The following RFC2 variants were observed in gnomAD, a reference collection of about 807,000 sequenced individuals.
The protein encoded by RFC2 is A1 40 kDa subunit.
RFC2 carries 34 observed loss-of-function variants against 44.8 expected under a neutral mutation model. The observed-to-expected ratio is 0.76, with a 90% CI of 0.58 to 1.01. RFC2 has a LOEUF of 1.01. RFC2 is among the 50% of genes least tolerant of loss of function. RFC2 has a pLI of 0.00. For missense variants in RFC2, 400 were observed against 453.6 expected (o/e 0.88, Z 1.07); for synonymous variants, 177 against 168.9 (o/e 1.05, Z -0.37).
intron 10 of RFC2, among the ~76,000 whole-genome samples, chr7:74,232,475 G>A (rs1802787261): frequency 6.6e-6 from 1 of 152,062 alleles, no homozygotes; most frequent in Non-Finnish European, 1.5e-5. Context: ...GTGGGGCGAG[G>A]GGGGGCGGGG....
intron 5 of RFC2, among the ~76,000 whole-genome samples, chr7:74,245,400 T>C (rs1288639534): frequency 2.6e-5 from 4 of 151,886 alleles, no homozygotes; most frequent in Non-Finnish European, 4.4e-5. Context: ...CTGAACTGTA[T>C]ACTTCAAAAT....
Position 74,238,854 on chromosome 7 carries a change from T to G in RFC2, c.759+69A>C. ...CCGTCCCCACTGCCAGCCCAGCCCT[T>G]CAGCCCCACTGGCCCCCACAGGGAA... On this transcript the variant is annotated intron_variant, in intron 8 of 10. Transcript: ENST00000055077. The surrounding 1 kb of genome is among the most constrained non-coding windows in gnomAD (Gnocchi z 4.0). 7.6e-7 allele frequency: 1 copy of G among 1,318,942 alleles called. No homozygotes were observed. Among genetic ancestry groups the G allele is most frequent in the Non-Finnish European group, 1.1e-6 (1 of 913,276 alleles). 81.7% of individuals were successfully genotyped at this position (1,318,942 alleles called of 1,614,324 possible).
At chr7:74,250,878 T>G (rs1230913949) in intron 2 of RFC2, among the ~76,000 whole-genome samples, 1 of 151,944 alleles carries the variant, frequency 6.6e-6, no homozygotes, top group Non-Finnish European at 1.5e-5. Flanking sequence ...AACCTCCGCC[T>G]CCCGGGTTCA....
chr7:74,249,091 T>C lies in RFC2; in HGVS notation c.253A>G (p.Ser85Gly). Residue 85 changes from serine (S) to glycine (G), a missense_variant, in exon 4 of 11, where the codon AGC becomes GGC. Coordinates refer to ENST00000055077, the MANE Select transcript of RFC2 (RefSeq NM_181471.3). Reference sequence around the variant, plus strand: ...AGGGCCCGGGCCAAGCACAGAATGCTTGTGGTCTTGCCGGTTCCTGGAGGG... The same window carrying C: ...AGGGCCCGGGCCAAGCACAGAATGCCTGTGGTCTTGCCGGTTCCTGGAGGG... The part of the protein sequence containing the change: ...AGPPGTGKTT[S>G]ILCLARALLG... 1 of 1,614,120 alleles carries C rather than the reference T, an allele frequency of 6.2e-7. No individual in the cohort carries two copies.
intron 6 of RFC2, among the ~76,000 whole-genome samples, 164 bp downstream of exon 6, chr7:74,242,982 G>A (rs1053659865): frequency 6.6e-6 from 1 of 152,014 alleles, no homozygotes; most frequent in Admixed American, 6.6e-5. Context: ...CTACTGGGAG[G>A]CTGAGGCAGG....
At chr7:74,252,764 A>G (rs536622278) in intron 1 of RFC2, among the ~76,000 whole-genome samples, 17 of 151,814 alleles carry the variant, frequency 1.1e-4, no homozygotes, top group Non-Finnish European at 2.9e-5. Context: ...GTGAAACCTC[A>G]TCTCTACTTA....
In RFC2 at chr7:74,254,390, G is replaced by C; in HGVS notation, c.-7C>G. On this transcript the variant is annotated 5_prime_UTR_variant, in exon 1 of 11. Coordinates refer to ENST00000055077, the MANE Select transcript of RFC2 (RefSeq NM_181471.3). ...AGACGGCCTCCACCTCCATTCTCGC[G>C]CCTCCTCTTCCCGCCACCCGAGGCA... 1.3e-6 allele frequency: 2 copies of C among 1,579,890 alleles called. No homozygotes were observed. The highest frequency in any genetic ancestry group is 2.3e-5 in the East Asian group (1 of 43,108).
chr7:74,251,348 C>A (rs960377283), intron 2 of RFC2, among the ~76,000 whole-genome samples: 1 of 152,158 alleles, frequency 6.6e-6, no homozygotes, highest in Admixed American at 6.6e-5. Context: ...TGCCACCACA[C>A]CCAGCTCATT....
At chr7:74,243,665 A>G (rs189251505) in intron 5 of RFC2, among the ~76,000 whole-genome samples, 1 of 150,760 alleles carries the variant, frequency 6.6e-6, no homozygotes, top group East Asian at 2.0e-4. Context: ...CAATGGTGGA[A>G]TCATAGCTCA....
At position 74,237,407 on chromosome 7, in the gene RFC2, C is replaced by T. The variant is rs782775600; in HGVS notation, c.795G>A (p.Glu265=). The stretch of plus-strand genomic sequence containing the variant: ...TGGCATTCACACAGTGCTGGATCAT[C>T]TCCTTTACCAGCAGTGGGTGGGGCT... ...CDEPHPLLVK[E]MIQHCVNANI... is the part of the protein sequence containing the mutation. The change falls in exon 9 of 11, where the codon GAG becomes GAA. Residue 265 remains glutamate (E), a synonymous_variant. Transcript: ENST00000055077. 1.2e-6 allele frequency: 2 copies of T among 1,603,532 alleles called. No individual in the cohort carries two copies. Among genetic ancestry groups the T allele is most frequent in the Non-Finnish European group, 1.7e-6 (2 of 1,174,952 alleles).
intron 7 of RFC2, among the ~76,000 whole-genome samples, chr7:74,239,588 T>G (rs1803212224): frequency 6.6e-6 from 1 of 152,144 alleles, no homozygotes; most frequent in Non-Finnish European, 1.5e-5. Flanking sequence ...GCCTTGGCCT[T>G]CCAAAGTGTT....
At chr7:74,237,732 A>T (rs1803102575) in intron 8 of RFC2, among the ~76,000 whole-genome samples, 2 of 152,186 alleles carry the variant, frequency 1.3e-5, no homozygotes, top group South Asian at 4.1e-4. Flanking sequence ...GTCACAAGTC[A>T]TCTGTCTTAG....
intron 5 of RFC2, among the ~76,000 whole-genome samples, chr7:74,244,141 G>A (rs1584256388): frequency 6.7e-6 from 1 of 149,588 alleles, no homozygotes; most frequent in South Asian, 2.1e-4. Flanking sequence ...GGTGGCGCAC[G>A]TCTGTAGTCC....
At chr7:74,243,907 G>T (rs1431662306) in intron 5 of RFC2, among the ~76,000 whole-genome samples, 1 of 151,356 alleles carries the variant, frequency 6.6e-6, no homozygotes, top group Non-Finnish European at 1.5e-5. Context: ...TATATATTAT[G>T]ATCTCAACTG....
intron 5 of RFC2, among the ~76,000 whole-genome samples, chr7:74,245,247 C>T (rs549300644): frequency 1.4e-4 from 21 of 151,408 alleles, no homozygotes; most frequent in South Asian, 2.1e-4. Flanking sequence ...CTCCATCTCC[C>T]GACCTCAGGT....
chr7:74,234,166 C>T (rs1271812293), intron 10 of RFC2, among the ~76,000 whole-genome samples: 1 of 152,146 alleles, frequency 6.6e-6, no homozygotes, highest in Non-Finnish European at 1.5e-5. Context: ...GTGGACACAT[C>T]TGAAAGGCAT....
chr7:74,248,320 C>A (rs1217571744), intron 4 of RFC2, among the ~76,000 whole-genome samples: 1 of 151,812 alleles, frequency 6.6e-6, no homozygotes, highest in Non-Finnish European at 1.5e-5. Flanking sequence ...GACTGGGCAA[C>A]ATAGTGAGAT....
At chr7:74,244,369 T>C (rs1803488833) in intron 5 of RFC2, among the ~76,000 whole-genome samples, 1 of 151,860 alleles carries the variant, frequency 6.6e-6, no homozygotes, top group Admixed American at 6.6e-5. Context: ...AATTTTTTTT[T>C]TGAAACAGAG....
At chr7:74,236,499 T>G (rs1803021197) in intron 9 of RFC2, among the ~76,000 whole-genome samples, 1 of 152,198 alleles carries the variant, frequency 6.6e-6, no homozygotes, top group African/African-American at 2.4e-5. Flanking sequence ...CCCATGTGGC[T>G]TGAGGTCGCC....
Sources: allele counts gnomAD v4.1 joint callset (sites outside exome capture counted in the v4.1 genomes callset), GRCh38; gene constraint gnomAD v4.1.1; non-coding constraint Gnocchi (gnomAD v3.1); transcripts MANE v1.5; gene names NCBI Gene and HGNC (gene_info 2026-07-23, HGNC 2026-07-21).